Variants in TNFSF4 observed in about 807,000 individuals in gnomAD.
The protein encoded by TNFSF4 is TNF superfamily member 4.
TNFSF4 carries 4 observed loss-of-function variants against 7.3 expected under a neutral mutation model. The ratio of observed to expected loss-of-function variants is 0.55; its 90% CI spans 0.27 to 1.25. The LOEUF (loss-of-function observed/expected upper bound fraction) is 1.25, where lower values mean the gene tolerates loss of function less well. Among genes scored for constraint, TNFSF4 ranks in the 50% most tolerant of loss-of-function variants. The pLI is 0.12. For missense variants in TNFSF4, 181 were observed against 208.8 expected, an observed-to-expected ratio of 0.87 and a Z score of 0.82; for synonymous variants, 76 against 83.7, an observed-to-expected ratio of 0.91 and a Z score of 0.50.
the TNFSF4 span, among the ~76,000 whole-genome samples, chr1:173,383,748 C>T: frequency 6.6e-6 from 1 of 151,918 alleles, no homozygotes; most frequent in East Asian, 1.9e-4. Context: ...ACGGAGAAAA[C>T]CAGGGACTGG....
At chr1:173,438,503 T>G in the TNFSF4 span, among the ~76,000 whole-genome samples, 1 of 152,206 alleles carries the variant, frequency 6.6e-6, no homozygotes, top group Admixed American at 6.5e-5. Context: ...TTTTTTTCTT[T>G]GTGAACTGTA....
the TNFSF4 span, among the ~76,000 whole-genome samples, chr1:173,278,533 T>C: frequency 6.6e-6 from 1 of 152,130 alleles, no homozygotes; most frequent in Non-Finnish European, 1.5e-5. Context: ...AAAGCCTTTA[T>C]ATATCTATGA....
the TNFSF4 span, among the ~76,000 whole-genome samples, chr1:173,219,444 A>C: frequency 2.0e-5 from 3 of 152,180 alleles, no homozygotes; most frequent in African/African-American, 7.2e-5. Context: ...ACACTTTTAC[A>C]CTGCTGGTGG....
At position 173,184,164 on chromosome 1, in the gene TNFSF4, C is replaced by A. The variant is rs1336685824; in HGVS notation, c.*2352G>T. The A allele has an allele frequency of 6.6e-6, 1 of 152,170 alleles. No individual in the cohort carries two copies. Among genetic ancestry groups the A allele is most frequent in the Non-Finnish European group, 1.5e-5 (1 of 68,032 alleles). The allele number at this position is 152,170 out of a possible 1,614,324, so 9.4% of individuals were successfully genotyped here. Reference sequence around the variant, plus strand: ...GATATTTAACATTCCTCTCATTTAACAGAAAGAAAAGCAAGACCCAGAAAT... The same window carrying A: ...GATATTTAACATTCCTCTCATTTAAAAGAAAGAAAAGCAAGACCCAGAAAT... On this transcript the variant is annotated 3_prime_UTR_variant, in exon 3 of 3. Coordinates refer to ENST00000281834, the MANE Select transcript of TNFSF4 (RefSeq NM_003326.5).
At chr1:173,403,131 C>T in the TNFSF4 span, among the ~76,000 whole-genome samples, 6 of 152,194 alleles carry the variant, frequency 3.9e-5, no homozygotes, top group African/African-American at 1.4e-4. Context: ...GGATTACAGG[C>T]ATGAGCCACC....
chr1:173,213,791 CT>C, the TNFSF4 span, among the ~76,000 whole-genome samples: 1 of 152,194 alleles, frequency 6.6e-6, no homozygotes, highest in Admixed American at 6.5e-5. Flanking sequence ...ATCCCCTCTT[CT>C]TTTCAGAATA....
At chr1:173,330,553 T>G in the TNFSF4 span, among the ~76,000 whole-genome samples, 4 of 152,272 alleles carry the variant, frequency 2.6e-5, no homozygotes, top group African/African-American at 9.6e-5. Flanking sequence ...GTTGCCAACT[T>G]GCTTAGTCAT....
chr1:173,194,700 T>G (rs865902532), intron 1 of TNFSF4, among the ~76,000 whole-genome samples: 4 of 151,988 alleles, frequency 2.6e-5, no homozygotes, highest in Middle Eastern at 3.4e-3. Flanking sequence ...CTGGACAACA[T>G]GGTGAAACCC....
At chr1:173,327,227 TCTGATATTTGACAAAC>T in the TNFSF4 span, among the ~76,000 whole-genome samples, 2 of 152,192 alleles carry the variant, frequency 1.3e-5, no homozygotes, top group African/African-American at 4.8e-5. Context: ...TCTACAACTA[TCTGATATTTGACAAAC>T]CTGACAAAAA....
At chr1:173,363,284 G>A in the TNFSF4 span, 2 of 299,958 alleles carry the variant, frequency 6.7e-6, no homozygotes, top group Non-Finnish European at 6.7e-6. Context: ...CTTTCTGCAT[G>A]CTTTATCATA....
chr1:173,403,572 A>T, the TNFSF4 span, among the ~76,000 whole-genome samples: 1 of 152,218 alleles, frequency 6.6e-6, no homozygotes, highest in Non-Finnish European at 1.5e-5. Flanking sequence ...TGGTATCATC[A>T]AACAAAACCC....
At chr1:173,304,733 C>A in the TNFSF4 span, among the ~76,000 whole-genome samples, 1 of 152,084 alleles carries the variant, frequency 6.6e-6, no homozygotes, top group African/African-American at 2.4e-5. Context: ...TAAGTGCCCT[C>A]ATGGCATGGA....
the TNFSF4 span, among the ~76,000 whole-genome samples, chr1:173,320,168 C>T: frequency 6.6e-6 from 1 of 152,168 alleles, no homozygotes; most frequent in Non-Finnish European, 1.5e-5. Context: ...GGATGCAAGG[C>T]TGGTTCAACA....
At chr1:173,427,155 T>C in the TNFSF4 span, among the ~76,000 whole-genome samples, 4 of 152,342 alleles carry the variant, frequency 2.6e-5, no homozygotes, top group East Asian at 7.7e-4. Context: ...ATAATCATAG[T>C]GAATGGCCTA....
At chr1:173,232,670 T>C in the TNFSF4 span, among the ~76,000 whole-genome samples, 1 of 152,230 alleles carries the variant, frequency 6.6e-6, no homozygotes, top group South Asian at 2.1e-4. Context: ...TGAGAGTTTT[T>C]AGCATGAAGG....
the TNFSF4 span, among the ~76,000 whole-genome samples, chr1:173,272,433 AT>A: frequency 1.3e-5 from 2 of 151,814 alleles, no homozygotes; most frequent in African/African-American, 2.4e-5. Context: ...CCCATTAGAG[AT>A]TTTTTTTAAG....
the TNFSF4 span, among the ~76,000 whole-genome samples, chr1:173,308,313 C>CTG: frequency 1.0e-3 from 138 of 135,698 alleles, no homozygotes; most frequent in Middle Eastern, 3.8e-3. Flanking sequence ...GTGTGTGTGT[C>CTG]TGTGTGTGTG....
the TNFSF4 span, among the ~76,000 whole-genome samples, chr1:173,248,767 T>C: frequency 6.6e-6 from 1 of 152,210 alleles, no homozygotes; most frequent in Non-Finnish European, 1.5e-5. Flanking sequence ...TGCCAAAGTA[T>C]GCTGAGCATA....
chr1:173,188,157 C>A (rs1014224601), intron 2 of TNFSF4, among the ~76,000 whole-genome samples: 2 of 152,174 alleles, frequency 1.3e-5, no homozygotes, highest in African/African-American at 2.4e-5. Flanking sequence ...CCCCAGAATA[C>A]AATTAGCAGG....
Sources: allele counts gnomAD v4.1 joint callset (sites outside exome capture counted in the v4.1 genomes callset), GRCh38; gene constraint gnomAD v4.1.1; transcripts MANE v1.5; gene names NCBI Gene and HGNC (gene_info 2026-07-23, HGNC 2026-07-21).